The following THSD7A variants were observed in gnomAD, a reference collection of about 807,000 sequenced individuals.
THSD7A encodes thrombospondin type 1 domain containing 7A.
Under a neutral mutation model 231.3 loss-of-function variants are expected in THSD7A, and 96 were observed. The observed-to-expected ratio is 0.41, with a 90% confidence interval of 0.35 to 0.49. The LOEUF is 0.49. Among genes scored for constraint, THSD7A ranks in the 20% least tolerant of loss-of-function variants. The pLI, the probability that THSD7A is intolerant of heterozygous loss-of-function variation, is 0.05. For synonymous variants in THSD7A, 940 were observed against 743.3 expected (o/e 1.26, Z -4.30); for missense variants, 2,290 against 2,070.2 (o/e 1.11, Z -2.06).
intron 1 of THSD7A, among the ~76,000 whole-genome samples, chr7:11,830,453 T>C (rs1025878407): frequency 3.0e-4 from 46 of 152,242 alleles, no homozygotes; most frequent in African/African-American, 9.6e-4. Flanking sequence ...AAATTAGAGA[T>C]CTTCAAATCT....
In THSD7A at chr7:11,531,217, A is replaced by G. The variant is rs919137657; in HGVS notation, c.1822+10202T>C. On this transcript the variant is annotated intron_variant, in intron 6 of 27. Coordinates refer to ENST00000423059, the MANE Select transcript of THSD7A (RefSeq NM_015204.3). The stretch of plus-strand genomic sequence containing the variant: ...TAGCACTGTCCCCTCCACTGTTGCA[A>G]CCCTTATCTAAGCCACACTGTCATC... 2.0e-5 allele frequency among the ~76,000 whole-genome samples: 3 copies of G among 152,208 alleles called. 1 individual carries two copies. The highest frequency in any genetic ancestry group is 6.5e-5 in the Admixed American group (1 of 15,284).
intron 1 of THSD7A, among the ~76,000 whole-genome samples, chr7:11,694,031 T>A (rs1013296561): frequency 2.0e-5 from 3 of 151,520 alleles, no homozygotes; most frequent in African/African-American, 7.3e-5. Context: ...CAGAAAAGTT[T>A]TCAGTTTGAG....
At chr7:11,560,038 T>C (rs1397914449) in intron 4 of THSD7A, among the ~76,000 whole-genome samples, 2 of 152,042 alleles carry the variant, frequency 1.3e-5, no homozygotes, top group Non-Finnish European at 2.9e-5. Flanking sequence ...CATGTCCAAT[T>C]AAAAGAGAAG....
chr7:11,826,006 T>C (rs1785017006), intron 1 of THSD7A, among the ~76,000 whole-genome samples: 1 of 152,230 alleles, frequency 6.6e-6, no homozygotes, highest in Admixed American at 6.5e-5. Flanking sequence ...AAAATAGATA[T>C]ATTTGCATAT....
rs546137551 is a variant in THSD7A at position 11,793,199 on chromosome 7, G to C, written c.190+38558C>G. ...GGGTAAAAAAATAAAGATGGGGTAAGAAGTATTTCAAGATGCCGAAATTTT... is the reference window on the plus strand; with the variant it reads ...GGGTAAAAAAATAAAGATGGGGTAACAAGTATTTCAAGATGCCGAAATTTT... On this transcript the variant is annotated intron_variant, in intron 1 of 27. Transcript: ENST00000423059. Among the ~76,000 whole-genome samples the C allele has an allele frequency of 1.6e-4, 24 of 151,996 alleles. No homozygotes were observed. In the South Asian group the frequency reaches 2.7e-3, roughly 17 times the overall value.
intron 2 of THSD7A, among the ~76,000 whole-genome samples, chr7:11,616,317 T>G (rs1369055384): frequency 6.6e-6 from 1 of 152,180 alleles, no homozygotes; most frequent in Non-Finnish European, 1.5e-5. Flanking sequence ...ACCTAAAATT[T>G]CATTCAGACT....
At chr7:11,415,869 C>T (rs1457860865) in intron 17 of THSD7A, among the ~76,000 whole-genome samples, 1 of 152,196 alleles carries the variant, frequency 6.6e-6, no homozygotes, top group African/African-American at 2.4e-5. Context: ...TGTAACCAAT[C>T]TAGCTGTTTC....
At position 11,446,329 on chromosome 7, in the gene THSD7A, G is replaced by A; in HGVS notation, c.2801-5C>T. ...TTTCCTTCTTTTTACTTTTTCCTGTGGAAGAGAAACAATCAGGCAATTTAA... is the reference window on the plus strand; with the variant it reads ...TTTCCTTCTTTTTACTTTTTCCTGTAGAAGAGAAACAATCAGGCAATTTAA... On this transcript the variant is annotated splice_polypyrimidine_tract_variant and splice_region_variant and intron_variant, in intron 12 of 27. Coordinates refer to ENST00000423059, the MANE Select transcript of THSD7A (RefSeq NM_015204.3). This position sits in a 1 kb window ranked among gnomAD's most constrained non-coding sequence, Gnocchi z 4.0. 1 of 1,605,352 alleles carries A rather than the reference G, an allele frequency of 6.2e-7. No individual in the cohort carries two copies. Among genetic ancestry groups the A allele is most frequent in the South Asian group, 1.1e-5 (1 of 90,102 alleles).
rs1248278781 is a variant in THSD7A at position 11,509,824 on chromosome 7, A to AAAAAAAAAAAAAT, written c.1823-27855_1823-27843dup. ...GCGACAGAGCCAGAGTCCGTCTCAA[A>AAAAAAAAAAAAAT]AAAAAAAAAAAATAACATCTGAAGA... On this transcript the variant is annotated intron_variant, in intron 6 of 27. Transcript: ENST00000423059. Among the ~76,000 whole-genome samples, 14 of 144,166 alleles carry AAAAAAAAAAAAAT rather than the reference A, an allele frequency of 9.7e-5. 3 individuals are homozygous for AAAAAAAAAAAAAT. The highest frequency in any genetic ancestry group is 2.1e-4 in the Non-Finnish European group (14 of 65,610). The allele number at this position is 144,166 out of a possible 152,430, so 94.6% of individuals were successfully genotyped here. A position where few individuals can be genotyped will look rare whatever the true frequency, so the allele number is the denominator to read the frequency against.
intron 4 of THSD7A, among the ~76,000 whole-genome samples, chr7:11,589,040 T>A (rs1780043290): frequency 6.6e-6 from 1 of 152,188 alleles, no homozygotes; most frequent in African/African-American, 2.4e-5. Flanking sequence ...TGTCAGTCCT[T>A]TTTGGGAGGG....
At chr7:11,540,472 C>T (rs186772427) in intron 6 of THSD7A, among the ~76,000 whole-genome samples, 2 of 152,168 alleles carry the variant, frequency 1.3e-5, no homozygotes, top group African/African-American at 4.8e-5. Flanking sequence ...TCCAGTACCC[C>T]CAAGGGGGCA....
At chr7:11,711,979 A>T (rs984941876) in intron 1 of THSD7A, among the ~76,000 whole-genome samples, 1 of 151,132 alleles carries the variant, frequency 6.6e-6, no homozygotes, top group Non-Finnish European at 1.5e-5. Context: ...TAGGTGGTAC[A>T]GAACAAAAAG....
rs370952536 is a variant in THSD7A, at chr7:11,407,037, C to T, written c.3935G>A (p.Arg1312Gln). ...ACCTTGAAAGGGCTGGGTCACTGTT[C>T]GTCTTCGGATCATTTTTCCTTGAAG... is the stretch of plus-strand genomic sequence containing the variant. ...CGLTGKMIRR[R>Q]TVTQPFQGDG... The change falls in exon 21 of 28, where the codon CGA becomes CAA. Residue 1312 changes from arginine to glutamine, a missense_variant. Transcript: ENST00000423059. 22 of 1,613,520 alleles carry T rather than the reference C, an allele frequency of 1.4e-5. No individual in the cohort carries two copies. The highest frequency in any genetic ancestry group is 5.5e-5 in the South Asian group (5 of 91,024).
chr7:11,594,232 T>A (rs6978433), intron 2 of THSD7A, among the ~76,000 whole-genome samples: 1 of 151,878 alleles, frequency 6.6e-6, no homozygotes, highest in Admixed American at 6.6e-5. Flanking sequence ...AGCTTGCAGA[T>A]GGCCTATTGT....
intron 1 of THSD7A, among the ~76,000 whole-genome samples, chr7:11,769,155 T>TA (rs1562541467): frequency 0.011 from 452 of 39,838 alleles, 7 homozygotes; most frequent in Non-Finnish European, 0.022. Flanking sequence ...ATATATATAT[T>TA]TTTTTTTTTT....
chr7:11,440,228 G>GA (rs1391313358), intron 13 of THSD7A, among the ~76,000 whole-genome samples: 2 of 151,822 alleles, frequency 1.3e-5, no homozygotes, highest in East Asian at 3.9e-4. Flanking sequence ...CTACTGCTCA[G>GA]AAAAAAAGAT....
intron 2 of THSD7A, among the ~76,000 whole-genome samples, chr7:11,602,806 G>A (rs1780596075): frequency 6.6e-6 from 1 of 151,350 alleles, no homozygotes; most frequent in Non-Finnish European, 1.5e-5. Flanking sequence ...TGGTGAGGTG[G>A]GAAAATGAAT....
intron 1 of THSD7A, among the ~76,000 whole-genome samples, chr7:11,801,002 C>A (rs1034475533): frequency 6.6e-6 from 1 of 151,976 alleles, no homozygotes; most frequent in African/African-American, 2.4e-5. Context: ...TGTCCAAACT[C>A]ATTAAGACAT....
chr7:11,622,441 T>A (rs1440049697), intron 2 of THSD7A, among the ~76,000 whole-genome samples: 1 of 152,128 alleles, frequency 6.6e-6, no homozygotes, highest in Non-Finnish European at 1.5e-5. Flanking sequence ...TTTGTATCTT[T>A]ACAATAATCC....
Sources: allele counts gnomAD v4.1 joint callset (sites outside exome capture counted in the v4.1 genomes callset), GRCh38; gene constraint gnomAD v4.1.1; non-coding constraint Gnocchi (gnomAD v3.1); transcripts MANE v1.5; gene names NCBI Gene and HGNC (gene_info 2026-07-23, HGNC 2026-07-21).